Variants in NPAS3 observed in about 807,000 individuals in gnomAD.
NPAS3 encodes neuronal PAS domain-containing protein 3.
NPAS3 carries 14 observed loss-of-function variants against 73.1 expected under a neutral mutation model. That is an observed-to-expected ratio of 0.19 (90% confidence interval 0.13 to 0.30). The LOEUF (loss-of-function observed/expected upper bound fraction) is 0.30. Ranked by LOEUF, NPAS3 falls within the 10% of genes least tolerant of loss-of-function variation. The pLI is 1.00. For missense variants in NPAS3, 1,096 were observed against 1,250.0 expected, an observed-to-expected ratio of 0.88 and a Z score of 1.86; for synonymous variants, 620 against 541.5, an observed-to-expected ratio of 1.14 and a Z score of -2.01.
rs112564795 is a variant in NPAS3 at position 32,974,343 on chromosome 14, C to T, written c.50+34977C>T. ...TGGAAAAATGGTGATAATAATAACA[C>T]ACAAAAACATGAAGATGGCCACAGC... is the stretch of plus-strand genomic sequence containing the variant. On this transcript the variant is annotated intron_variant, in intron 1 of 11. Transcript: ENST00000356141. Among the ~76,000 whole-genome samples, 915 of 152,188 alleles carry T rather than the reference C, an allele frequency of 6.0e-3. 11 individuals carry two copies. The highest frequency in any genetic ancestry group is 0.021 in the African/African-American group (856 of 41,516).
chr14:33,352,838 A>G (rs2045134954), intron 3 of NPAS3, among the ~76,000 whole-genome samples: 1 of 152,250 alleles, frequency 6.6e-6, no homozygotes, highest in East Asian at 1.9e-4. Flanking sequence ...CTTCATCTCA[A>G]TTTTGGGTAA....
chr14:33,214,182 T>C (rs1440043528), intron 2 of NPAS3: 1 of 152,228 alleles, frequency 6.6e-6, no homozygotes, highest in Non-Finnish European at 1.5e-5. Flanking sequence ...CTTATCATTG[T>C]GGTCTGATTT....
chr14:33,692,677 G>C (rs759276157), intron 6 of NPAS3, among the ~76,000 whole-genome samples: 10 of 152,042 alleles, frequency 6.6e-5, no homozygotes, highest in Non-Finnish European at 1.3e-4. Context: ...AATCAGGAAA[G>C]TTGCAGGATT....
In NPAS3 at chr14:33,800,067, G is replaced by T; in HGVS notation, c.1760G>T (p.Gly587Val). Residue 587 changes from glycine to valine, a missense_variant, in exon 12 of 12, where the codon GGC (glycine) becomes GTC (valine). Physicochemically the swap from Gly to Val is moderately radical, Grantham distance 109. Around this residue, in one of 5 missense-constraint regions of NPAS3, gnomAD observed 698 missense variants for 676.7 expected, o/e 1.03. Transcript: ENST00000356141. This position sits in a 1 kb window ranked among gnomAD's most constrained non-coding sequence, Gnocchi z 6.5. ...AGCGCCAAGGACTCGGACAGCGCAGGCGAGGCGGGCGCGCAGGCCTCCAGC... is the reference window on the plus strand; with the variant it reads ...AGCGCCAAGGACTCGGACAGCGCAGTCGAGGCGGGCGCGCAGGCCTCCAGC... 6.2e-7 allele frequency: 1 copy of T among 1,601,146 alleles called. No homozygotes were observed.
chr14:33,198,256 C>A (rs1451957130), intron 2 of NPAS3, among the ~76,000 whole-genome samples: 1 of 151,818 alleles, frequency 6.6e-6, no homozygotes, highest in Non-Finnish European at 1.5e-5. Flanking sequence ...GGGACCCAAG[C>A]AGTTTGCCCC....
chr14:33,778,567 T>C (rs760671254), exon 9 of NPAS3: 1 of 1,604,658 alleles, frequency 6.2e-7, no homozygotes, highest in Admixed American at 1.7e-5. Context: ...CACAGTCACT[T>C]GGACTGTAAG....
At chr14:33,241,131 G>A (rs2048201575) in intron 3 of NPAS3, among the ~76,000 whole-genome samples, 1 of 151,836 alleles carries the variant, frequency 6.6e-6, no homozygotes, top group Admixed American at 6.6e-5. Flanking sequence ...TTTCACAATA[G>A]TGAAGCTCTG....
At chr14:33,060,063 T>C (rs991837345) in intron 2 of NPAS3, among the ~76,000 whole-genome samples, 2 of 152,180 alleles carry the variant, frequency 1.3e-5, no homozygotes, top group Non-Finnish European at 2.9e-5. Flanking sequence ...ATTCCTGGCC[T>C]GAACTTGAAA....
intron 4 of NPAS3, among the ~76,000 whole-genome samples, chr14:33,388,570 A>G (rs1253251074): frequency 1.3e-5 from 2 of 152,128 alleles, no homozygotes; most frequent in African/African-American, 4.8e-5. Flanking sequence ...AGTTGTGGGG[A>G]AAGGTTATAT....
intron 3 of NPAS3, among the ~76,000 whole-genome samples, chr14:33,222,368 T>C (rs1264416759): frequency 6.6e-6 from 1 of 152,168 alleles, no homozygotes; most frequent in East Asian, 1.9e-4. Flanking sequence ...TCTCCTTCAG[T>C]TCAAAGTATT....
At chr14:33,684,898 G>T (rs1203991793) in intron 6 of NPAS3, among the ~76,000 whole-genome samples, 2 of 152,188 alleles carry the variant, frequency 1.3e-5, no homozygotes, top group East Asian at 3.9e-4. Context: ...ATCAGGAGGT[G>T]GACGTGTCCC....
upstream of NPAS3, among the ~76,000 whole-genome samples, chr14:32,937,372 A>C (rs2035730106): frequency 1.3e-5 from 2 of 152,104 alleles, no homozygotes; most frequent in South Asian, 4.1e-4. Context: ...TTTTCAAGCA[A>C]AGAGTGGCCT....
At chr14:32,999,572 C>A (rs1439808310) in intron 1 of NPAS3, among the ~76,000 whole-genome samples, 1 of 151,588 alleles carries the variant, frequency 6.6e-6, no homozygotes, top group African/African-American at 2.4e-5. Context: ...AAATGATTAC[C>A]CAGTCTGTAT....
intron 7 of NPAS3, among the ~76,000 whole-genome samples, chr14:33,747,044 T>C (rs969020169): frequency 1.3e-5 from 2 of 152,076 alleles, no homozygotes; most frequent in African/African-American, 4.8e-5. Flanking sequence ...TCCTCAGGGA[T>C]CTAGAACTAG....
At chr14:33,071,953 C>T (rs947649794) in intron 2 of NPAS3, among the ~76,000 whole-genome samples, 4 of 152,010 alleles carry the variant, frequency 2.6e-5, no homozygotes, top group African/African-American at 9.7e-5. Context: ...GGCATTGGTG[C>T]AACCTCAGCT....
chr14:33,506,425 G>A (rs2139966076), intron 4 of NPAS3, among the ~76,000 whole-genome samples: 1 of 152,114 alleles, frequency 6.6e-6, no homozygotes, highest in South Asian at 2.1e-4. Context: ...TTAAATGGAA[G>A]GATTAAAAGG....
chr14:33,524,369 C>G (rs535532268), intron 4 of NPAS3, among the ~76,000 whole-genome samples: 11 of 152,234 alleles, frequency 7.2e-5, no homozygotes, highest in African/African-American at 2.6e-4. Context: ...TTCAAAAAGT[C>G]CCTCTCTATA....
intron 4 of NPAS3, among the ~76,000 whole-genome samples, chr14:33,429,290 G>C (rs17101092): frequency 0.36 from 54,064 of 151,952 alleles, 9,935 homozygotes; most frequent in Admixed American, 0.45. Context: ...AGCTGGTTAC[G>C]GGTTGAGTCA....
intron 3 of NPAS3, among the ~76,000 whole-genome samples, chr14:33,234,904 G>A (rs113874706): frequency 1.2e-3 from 176 of 152,106 alleles, no homozygotes; most frequent in African/African-American, 4.1e-3. Flanking sequence ...TGCTCATGAC[G>A]CTTTCTGACA....
Sources: allele counts gnomAD v4.1 joint callset (sites outside exome capture counted in the v4.1 genomes callset), GRCh38; gene constraint gnomAD v4.1.1; regional missense constraint gnomAD v4.1.1; non-coding constraint Gnocchi (gnomAD v3.1); transcripts MANE v1.5; gene names NCBI Gene and HGNC (gene_info 2026-07-23, HGNC 2026-07-21).